TEKT5: variants seen among roughly 807,000 people sequenced by gnomAD.
The protein encoded by TEKT5 is tektin-5.
In TEKT5, 52 loss-of-function variants were observed where a neutral mutation model predicts 48.7. The ratio of observed to expected loss-of-function variants is 1.07; its 90% CI spans 0.86 to 1.35. The LOEUF (loss-of-function observed/expected upper bound fraction) is 1.35, where lower values mean the gene tolerates loss of function less well. Ranked by LOEUF, TEKT5 falls within the 40% of genes most tolerant of loss-of-function variation. TEKT5 has a pLI of 0.00. For missense variants in TEKT5, 831 were observed against 641.6 expected (o/e 1.30, Z -3.19); for synonymous variants, 318 against 267.6 (o/e 1.19, Z -1.84).
At chr16:10,661,136 A>G (rs1039669240) in intron 5 of TEKT5, among the ~76,000 whole-genome samples, 9 of 152,216 alleles carry the variant, frequency 5.9e-5, no homozygotes, top group African/African-American at 1.9e-4. Flanking sequence ...ATGAAAATGT[A>G]TTGGGCATGG....
intron 5 of TEKT5, among the ~76,000 whole-genome samples, chr16:10,659,454 A>C (rs1431296164): frequency 6.6e-6 from 1 of 152,128 alleles, no homozygotes; most frequent in African/African-American, 2.4e-5. Flanking sequence ...ATCTCGGCTC[A>C]CTGCAAGCTC....
At position 10,694,846 on chromosome 16, in the gene TEKT5, C is replaced by T. The variant is rs367588375; in HGVS notation, c.28G>A (p.Ala10Thr). The T allele has an allele frequency of 2.8e-5, 45 of 1,584,748 alleles. No homozygotes were observed. The highest frequency in any genetic ancestry group is 1.7e-4 in the Middle Eastern group (1 of 5,892). The change falls in exon 1 of 7, where the codon GCC becomes ACC. Residue 10 changes from alanine (A) to threonine (T), a missense_variant. By Grantham distance (58) the Ala-to-Thr change is moderately conservative. Coordinates refer to ENST00000283025, the MANE Select transcript of TEKT5 (RefSeq NM_144674.2). MEFLGTTQT[A>T]SYCGPKKCCG... ...CATTTCTTGGGACCACAGTAACTGG[C>T]GGTCTGAGTAGTCCCAAGAAACTCC...
At chr16:10,652,603 GAC>G (rs71133381) in intron 5 of TEKT5, among the ~76,000 whole-genome samples, 693 of 12,178 alleles carry the variant, frequency 0.057, 64 homozygotes, top group South Asian at 0.092. Flanking sequence ...TACACAGGCA[GAC>G]ACACACACAC....
At chr16:10,675,826 C>G (rs2142301213) in intron 5 of TEKT5, 133 bp downstream of exon 5, 1 of 847,724 alleles carries the variant, frequency 1.2e-6, no homozygotes, top group South Asian at 1.6e-5. Context: ...AGAAAAAGAC[C>G]ACAGACCTTG....
At chr16:10,646,400 C>T (rs2092232172) in intron 5 of TEKT5, among the ~76,000 whole-genome samples, 1 of 152,144 alleles carries the variant, frequency 6.6e-6, no homozygotes, top group South Asian at 2.1e-4. Context: ...AAACTGATTA[C>T]ACAGTAAATT....
intron 5 of TEKT5, among the ~76,000 whole-genome samples, chr16:10,657,491 A>T (rs1384945958): frequency 6.6e-6 from 1 of 152,182 alleles, no homozygotes; most frequent in Admixed American, 6.5e-5. Context: ...GTAGAGAAAT[A>T]GGAGTGAATC....
At chr16:10,661,695 C>A (rs546200414) in intron 5 of TEKT5, among the ~76,000 whole-genome samples, 1 of 152,100 alleles carries the variant, frequency 6.6e-6, no homozygotes, top group African/African-American at 2.4e-5. Context: ...TGAGGAGAGG[C>A]CAGTGGTATT....
intron 3 of TEKT5, among the ~76,000 whole-genome samples, chr16:10,685,987 C>T (rs1180997795): frequency 1.3e-5 from 2 of 152,222 alleles, no homozygotes; most frequent in Non-Finnish European, 2.9e-5. Context: ...TATCCCACTT[C>T]CCAAACGTCA....
chr16:10,681,377 G>GTCTCTCTC (rs59484637), intron 4 of TEKT5, among the ~76,000 whole-genome samples: 21 of 38,788 alleles, frequency 5.4e-4, no homozygotes, highest in East Asian at 5.7e-3. Context: ...TCCACTCTCT[G>GTCTCTCTC]TCTCTCTCTC....
intron 3 of TEKT5, 42 bp from the exon 4 acceptor site, chr16:10,682,178 C>T: frequency 1.3e-6 from 2 of 1,599,094 alleles, no homozygotes; most frequent in South Asian, 1.1e-5. Context: ...TGCACCTGCA[C>T]AGAGTACCCA....
chr16:10,678,392 C>G (rs7204640), intron 4 of TEKT5, among the ~76,000 whole-genome samples: 1 of 152,034 alleles, frequency 6.6e-6, no homozygotes, highest in Non-Finnish European at 1.5e-5. Context: ...CCACCGCACC[C>G]GGCCTCTTTT....
intron 4 of TEKT5, among the ~76,000 whole-genome samples, chr16:10,678,026 G>A (rs1898679247): frequency 1.3e-5 from 2 of 152,202 alleles, no homozygotes; most frequent in African/African-American, 4.8e-5. Flanking sequence ...CTTCCTGGCA[G>A]AGCATGTAAA....
intron 5 of TEKT5, among the ~76,000 whole-genome samples, chr16:10,670,283 G>T (rs2719694): frequency 0.52 from 79,466 of 152,118 alleles, 23,280 homozygotes; most frequent in East Asian, 0.82. Context: ...TCCCAGCACT[G>T]TGGCAGGCCA....
chr16:10,685,407 C>A (rs12926807), intron 3 of TEKT5, among the ~76,000 whole-genome samples: 63,350 of 151,992 alleles, frequency 0.42, 13,745 homozygotes, highest in East Asian at 0.62. Context: ...TCAAGCGATT[C>A]TCCTGCCTCA....
intron 6 of TEKT5, among the ~76,000 whole-genome samples, 172 bp from the exon 7 acceptor site, chr16:10,627,971 C>G (rs1433326248): frequency 6.6e-6 from 1 of 152,068 alleles, no homozygotes; most frequent in African/African-American, 2.4e-5. Context: ...TCCCGAGTAG[C>G]TGGGATTACG....
At chr16:10,685,913 T>C (rs1019781743) in intron 3 of TEKT5, among the ~76,000 whole-genome samples, 1 of 152,106 alleles carries the variant, frequency 6.6e-6, no homozygotes, top group African/African-American at 2.4e-5. Context: ...AGTCTCAGGA[T>C]TTCTCCTCTG....
intron 5 of TEKT5, among the ~76,000 whole-genome samples, chr16:10,660,383 C>A (rs906037943): frequency 1.3e-5 from 2 of 151,992 alleles, no homozygotes; most frequent in Admixed American, 6.6e-5. Context: ...CCCCACCCCA[C>A]CCCCACCTGC....
Position 10,689,852 on chromosome 16 carries a change from C to G in TEKT5, c.648+90G>C. 3 of 1,301,310 alleles carry G rather than the reference C, an allele frequency of 2.3e-6. 1 individual carries two copies. The South Asian group carries it at 3.8e-5, about 16-fold the overall frequency. The allele number at this position is 1,301,310 out of a possible 1,614,324, so 80.6% of individuals were successfully genotyped here. A position where few individuals can be genotyped will look rare whatever the true frequency, so the allele number is the denominator to read the frequency against. ...TTCCACACAGTGACACGTGTGGCTT[C>G]TGCTCCTGACAGGTAGCTCAGTAAT... On this transcript the variant is annotated intron_variant, in intron 2 of 6. Coordinates refer to ENST00000283025, the MANE Select transcript of TEKT5 (RefSeq NM_144674.2).
Position 10,676,059 on chromosome 16 carries a change from T to C in TEKT5, c.986A>G (p.Asp329Gly). ...EAEHLFETLS[D>G]QMWRQFTDTN... ...GTCTGTGAACTGCCTCCACATCTGA[T>C]CCGACAAGGTCTCAAAGAGGTGCTC... is the stretch of plus-strand genomic sequence containing the variant. Residue 329 changes from aspartate to glycine, a missense_variant, in exon 5 of 7, where the codon GAT (aspartate) becomes GGT (glycine). By Grantham distance (94) the Asp-to-Gly change is moderately conservative (BLOSUM62 -1). Transcript: ENST00000283025. The C allele has an allele frequency of 6.2e-7, 1 of 1,614,206 alleles. No individual in the cohort carries two copies. The highest frequency in any genetic ancestry group is 8.5e-7 in the Non-Finnish European group (1 of 1,180,034).
Sources: allele counts gnomAD v4.1 joint callset (sites outside exome capture counted in the v4.1 genomes callset), GRCh38; gene constraint gnomAD v4.1.1; transcripts MANE v1.5; gene names NCBI Gene and HGNC (gene_info 2026-07-23, HGNC 2026-07-21).